BACH2: variants seen among roughly 807,000 people sequenced by gnomAD.
The protein encoded by BACH2 is BACH transcriptional regulator 2, also known as transcription regulator protein BACH2.
Under a neutral mutation model 61.8 loss-of-function variants are expected in BACH2, and 5 were observed. The observed-to-expected ratio is 0.08, with a 90% CI of 0.04 to 0.17. The LOEUF (loss-of-function observed/expected upper bound fraction) is 0.17, where lower values mean the gene tolerates loss of function less well. BACH2 is among the 10% of genes least tolerant of loss of function. The pLI is 1.00. For synonymous variants in BACH2, 446 were observed against 440.1 expected (o/e 1.01, Z -0.17); for missense variants, 824 against 1,091.1 (o/e 0.76, Z 3.45).
intron 5 of BACH2, among the ~76,000 whole-genome samples, chr6:90,075,055 G>A (rs930696671): frequency 2.6e-5 from 4 of 152,144 alleles, no homozygotes; most frequent in Non-Finnish European, 5.9e-5. Context: ...ACAGCATGCT[G>A]CATCAAGAGG....
chr6:90,247,077 G>GC lies in BACH2; in HGVS notation c.-275+5435dup, dbSNP rs1184830865. On this transcript the variant is annotated intron_variant, in intron 3 of 8. Transcript: ENST00000257749. ...TTTACTGTTTAATGAAAAAGACAAA[G>GC]CTAAAGACCACATATAAATTATTGA... is the stretch of plus-strand genomic sequence containing the variant. Among the ~76,000 whole-genome samples, 6 of 152,104 alleles carry GC rather than the reference G, an allele frequency of 3.9e-5. No individual in the cohort carries two copies. In the East Asian group the frequency reaches 1.2e-3, roughly 29 times the overall value.
intron 4 of BACH2, among the ~76,000 whole-genome samples, chr6:90,161,496 T>C (rs554383532): frequency 1.1e-4 from 17 of 152,280 alleles, no homozygotes; most frequent in African/African-American, 4.1e-4. Flanking sequence ...CACAGATGAC[T>C]AACATCAGAA....
chr6:90,135,549 AC>A (rs1037434446), intron 4 of BACH2, among the ~76,000 whole-genome samples: 1 of 151,978 alleles, frequency 6.6e-6, no homozygotes, highest in Non-Finnish European at 1.5e-5. Context: ...CCCTGTCTCT[AC>A]CCCAAAACAC....
chr6:90,054,750 A>G (rs1159955107), intron 5 of BACH2, among the ~76,000 whole-genome samples: 1 of 152,160 alleles, frequency 6.6e-6, no homozygotes, highest in Non-Finnish European at 1.5e-5. Flanking sequence ...CACCTCACAC[A>G]GCCGGGTACT....
chr6:90,287,671 G>C (rs1486410017), intron 1 of BACH2, among the ~76,000 whole-genome samples: 1 of 152,096 alleles, frequency 6.6e-6, no homozygotes, highest in African/African-American at 2.4e-5. Context: ...TCTCTGCCTA[G>C]GGTTGTGTTT....
At chr6:89,934,640 C>A (rs1231784535) in intron 8 of BACH2, among the ~76,000 whole-genome samples, 1 of 151,558 alleles carries the variant, frequency 6.6e-6, no homozygotes, top group African/African-American at 2.4e-5. Context: ...GTCTGGGCGA[C>A]AGAGCGAGAC....
intron 5 of BACH2, among the ~76,000 whole-genome samples, chr6:90,037,525 A>T (rs1166290712): frequency 6.6e-6 from 1 of 152,232 alleles, no homozygotes; most frequent in Non-Finnish European, 1.5e-5. Flanking sequence ...TCAAGGTGCT[A>T]ACACTCTTGG....
At chr6:90,084,673 C>T (rs1364688791) in intron 5 of BACH2, among the ~76,000 whole-genome samples, 1 of 151,868 alleles carries the variant, frequency 6.6e-6, no homozygotes, top group South Asian at 2.1e-4. Context: ...GAAAGTCTGG[C>T]GTGAGAATGA....
chr6:90,050,131 T>C (rs142346507), intron 5 of BACH2, among the ~76,000 whole-genome samples: 32 of 152,372 alleles, frequency 2.1e-4, no homozygotes, highest in Non-Finnish European at 4.6e-4. Context: ...GCTTTTCTGT[T>C]AAGAATGATA....
chr6:90,003,354 C>T (rs916125235), intron 6 of BACH2, among the ~76,000 whole-genome samples: 6 of 152,204 alleles, frequency 3.9e-5, no homozygotes, highest in East Asian at 3.9e-4. Context: ...CCAGCTCCCT[C>T]ACCTGCTCCA....
At chr6:90,096,885 C>T (rs868063291) in intron 4 of BACH2, among the ~76,000 whole-genome samples, 1 of 152,228 alleles carries the variant, frequency 6.6e-6, no homozygotes, top group Non-Finnish European at 1.5e-5. Flanking sequence ...CCACCATCCA[C>T]CTCGTATAAA....
chr6:90,218,979 G>A (rs989653209), intron 3 of BACH2, among the ~76,000 whole-genome samples: 1 of 150,922 alleles, frequency 6.6e-6, no homozygotes, highest in East Asian at 2.0e-4. Context: ...GAGAGTGCAC[G>A]CAAGAGAGAT....
intron 5 of BACH2, among the ~76,000 whole-genome samples, chr6:90,031,392 TA>T (rs1346497347): frequency 6.6e-6 from 1 of 152,080 alleles, no homozygotes; most frequent in African/African-American, 2.4e-5. Flanking sequence ...GGTATTCAAT[TA>T]GGAAAAGAGG....
chr6:89,984,604 A>C (rs992775726), intron 6 of BACH2, among the ~76,000 whole-genome samples: 4 of 152,154 alleles, frequency 2.6e-5, no homozygotes, highest in Non-Finnish European at 4.4e-5. Flanking sequence ...TATTCTATAC[A>C]CAATTTAGGA....
At chr6:90,174,634 T>A (rs1767928540) in intron 4 of BACH2, among the ~76,000 whole-genome samples, 1 of 151,960 alleles carries the variant, frequency 6.6e-6, no homozygotes, top group Admixed American at 6.6e-5. Flanking sequence ...AGGAAGCCAA[T>A]AAGGTTTCCA....
At chr6:90,056,318 A>G (rs1476100152) in intron 5 of BACH2, among the ~76,000 whole-genome samples, 1 of 152,232 alleles carries the variant, frequency 6.6e-6, no homozygotes, top group African/African-American at 2.4e-5. Context: ...CAGGGGTTGC[A>G]ATCCTAGTCT....
intron 3 of BACH2, among the ~76,000 whole-genome samples, chr6:90,220,405 C>T (rs1769700690): frequency 2.0e-5 from 3 of 152,122 alleles, no homozygotes; most frequent in Admixed American, 2.0e-4. Context: ...GAAAGAATAT[C>T]ATTAAAAAGT....
At chr6:90,186,600 C>A (rs1768364761) in intron 4 of BACH2, among the ~76,000 whole-genome samples, 1 of 152,080 alleles carries the variant, frequency 6.6e-6, no homozygotes. Context: ...GTAAAATATG[C>A]AGGAAATGTG....
intron 3 of BACH2, among the ~76,000 whole-genome samples, chr6:90,208,105 A>G (rs1425889565): frequency 6.6e-6 from 1 of 152,236 alleles, no homozygotes; most frequent in African/African-American, 2.4e-5. Flanking sequence ...TAAAAACCCT[A>G]GAAGAAAACC....
Sources: allele counts gnomAD v4.1 joint callset (sites outside exome capture counted in the v4.1 genomes callset), GRCh38; gene constraint gnomAD v4.1.1; transcripts MANE v1.5; gene names NCBI Gene and HGNC (gene_info 2026-07-23, HGNC 2026-07-21).